The following CDH7 variants were observed in gnomAD, a reference collection of about 807,000 sequenced individuals.
CDH7 encodes the protein cadherin 7, also known as cadherin-7.
Under a neutral mutation model 71.8 loss-of-function variants are expected in CDH7, and 25 were observed. That is an observed-to-expected ratio of 0.35 (90% CI 0.25 to 0.49). The LOEUF (loss-of-function observed/expected upper bound fraction) is 0.49, where lower values mean the gene tolerates loss of function less well. Among genes scored for constraint, CDH7 ranks in the 20% least tolerant of loss-of-function variants. The probability of loss-of-function intolerance (pLI) is 0.99; values close to 1 mark genes in which losing one functional copy is unlikely to be tolerated. For missense variants in CDH7, 862 were observed against 974.6 expected (o/e 0.88, Z 1.54); for synonymous variants, 381 against 363.8 (o/e 1.05, Z -0.54).
chr18:65,868,072 A>C (rs1913819221), intron 11 of CDH7, among the ~76,000 whole-genome samples: 1 of 92,546 alleles, frequency 1.1e-5, no homozygotes, highest in Admixed American at 1.2e-4. Context: ...GGAGAAAAAA[A>C]GTGGCAGCAC....
rs1460123225 is a variant in CDH7 at position 65,887,055 on chromosome 18, A to G, written c.*6161A>G. 1 of 152,150 alleles carries G rather than the reference A, an allele frequency of 6.6e-6. No homozygotes were observed. The highest frequency in any genetic ancestry group is 2.4e-5 in the African/African-American group (1 of 41,446). 9.4% of individuals were successfully genotyped at this position (152,150 alleles called of 1,614,324 possible). ...CTAATGAGAATGTTGAAAGTACAGC[A>G]TACTTTCATTCAAAAACAAACTTGC... On this transcript the variant is annotated 3_prime_UTR_variant, in exon 12 of 12. Transcript: ENST00000397968.
intron 7 of CDH7, among the ~76,000 whole-genome samples, chr18:65,845,688 A>G (rs1912911368): frequency 6.6e-6 from 1 of 152,124 alleles, no homozygotes; most frequent in African/African-American, 2.4e-5. Context: ...GGAAAGAAAG[A>G]GAGACATGCT....
chr18:65,790,179 C>T (rs1024155611), intron 2 of CDH7, among the ~76,000 whole-genome samples: 3 of 144,360 alleles, frequency 2.1e-5, no homozygotes, highest in Non-Finnish European at 4.5e-5. Context: ...CAAGATCGCG[C>T]CACTGCACTC....
chr18:65,770,174 C>T (rs1916500829), intron 2 of CDH7, among the ~76,000 whole-genome samples: 1 of 152,048 alleles, frequency 6.6e-6, no homozygotes, highest in Non-Finnish European at 1.5e-5. Flanking sequence ...CTCAAAAATA[C>T]ATCAATTTAA....
intron 6 of CDH7, among the ~76,000 whole-genome samples, chr18:65,829,775 A>AGGGT (rs1912270403): frequency 1.4e-5 from 2 of 138,124 alleles, no homozygotes; most frequent in Admixed American, 7.3e-5. Context: ...CAAGGAAGGG[A>AGGGT]GTGTGTGTGT....
rs1026709272 is a variant in CDH7 at position 65,885,633 on chromosome 18, T to C, written c.*4739T>C. On this transcript the variant is annotated 3_prime_UTR_variant, in exon 12 of 12. Transcript: ENST00000397968. ...CGCCCGCCTCGGCCTCCCAAAGTGC[T>C]GGGATTACAGGCGTGAGCCACCGCG... is the stretch of plus-strand genomic sequence containing the variant. The C allele has an allele frequency of 1.3e-5, 2 of 152,278 alleles. No individual in the cohort carries two copies. The highest frequency in any genetic ancestry group is 2.9e-5 in the Non-Finnish European group (2 of 68,182). 9.4% of individuals were successfully genotyped at this position (152,278 alleles called of 1,614,324 possible).
chr18:65,772,880 T>C (rs1015473855), intron 2 of CDH7, among the ~76,000 whole-genome samples: 1 of 152,162 alleles, frequency 6.6e-6, no homozygotes, highest in Non-Finnish European at 1.5e-5. Flanking sequence ...CTGTTTACGA[T>C]CCAATTAAGA....
At chr18:65,839,308 T>A in intron 6 of CDH7, among the ~76,000 whole-genome samples, 1 of 152,206 alleles carries the variant, frequency 6.6e-6, no homozygotes, top group East Asian at 1.9e-4. Context: ...AAGTCAAGAT[T>A]TGGCATCTGA....
intron 6 of CDH7, among the ~76,000 whole-genome samples, chr18:65,833,508 A>G (rs4941361): frequency 0.98 from 149,245 of 152,244 alleles, 73,211 homozygotes; most frequent in East Asian, 1. Context: ...ATTTGACTGT[A>G]AAAAGGCATA....
At chr18:65,838,117 A>T (rs1328701168) in intron 6 of CDH7, among the ~76,000 whole-genome samples, 1 of 151,526 alleles carries the variant, frequency 6.6e-6, no homozygotes, top group East Asian at 2.0e-4. Flanking sequence ...TAGAGATGGG[A>T]TTTCACCATG....
At chr18:65,827,031 A>G (rs945443974) in intron 6 of CDH7, among the ~76,000 whole-genome samples, 27 of 151,726 alleles carry the variant, frequency 1.8e-4, no homozygotes, top group Admixed American at 1.5e-3. Context: ...ACTTCTGCCC[A>G]GAAATCTGAA....
intron 3 of CDH7, among the ~76,000 whole-genome samples, chr18:65,810,410 C>T (rs1911490971): frequency 6.6e-6 from 1 of 152,112 alleles, no homozygotes; most frequent in Non-Finnish European, 1.5e-5. Context: ...TTGTTCTAAA[C>T]ATCTCTCTAT....
At chr18:65,851,586 A>G (rs1913152722) in intron 7 of CDH7, among the ~76,000 whole-genome samples, 1 of 152,240 alleles carries the variant, frequency 6.6e-6, no homozygotes. Context: ...TAAGGAATTC[A>G]TTTTGTAACA....
rs751962742 is a variant in CDH7, at chr18:65,843,946, T to C, written c.1116T>C (p.Asp372=). ...TGAAGATAATTGTGGAAGATGTAGA[T>C]GAGCCCCCTGTGTTCTCTTCACCCT... ...TTVKIIVEDV[D]EPPVFSSPLY... is the part of the protein sequence containing the mutation. Residue 372 remains aspartate, a synonymous_variant, in exon 7 of 12, where the codon GAT becomes GAC. Transcript: ENST00000397968. 1.2e-6 allele frequency: 2 copies of C among 1,611,968 alleles called. No individual in the cohort carries two copies. The highest frequency in any genetic ancestry group is 1.7e-6 in the Non-Finnish European group (2 of 1,178,886).
rs1208694066 is a variant in CDH7 at position 65,886,198 on chromosome 18, TGTGTAAAC to T, written c.*5305_*5312del. On this transcript the variant is annotated 3_prime_UTR_variant, in exon 12 of 12. Coordinates refer to ENST00000397968, the MANE Select transcript of CDH7 (RefSeq NM_004361.5). ...GCTTGTGAATGATTAAGTGAAAGAC[TGTGTAAAC>T]AGTAAAACACTATAAAAAGATAAAG... 5 of 152,190 alleles carry T rather than the reference TGTGTAAAC, an allele frequency of 3.3e-5. No individual in the cohort carries two copies. Among genetic ancestry groups the T allele is most frequent in the Non-Finnish European group, 7.3e-5 (5 of 68,030 alleles). The allele number at this position is 152,190 out of a possible 1,614,324, so 9.4% of individuals were successfully genotyped here.
chr18:65,856,597 A>G (rs1913364973), intron 7 of CDH7, among the ~76,000 whole-genome samples: 1 of 152,126 alleles, frequency 6.6e-6, no homozygotes, highest in Non-Finnish European at 1.5e-5. Context: ...GGAGCAAATC[A>G]AGAATCAAGA....
chr18:65,756,494 G>A (rs895652398), intron 1 of CDH7, among the ~76,000 whole-genome samples: 6 of 152,156 alleles, frequency 3.9e-5, no homozygotes, highest in Admixed American at 6.6e-5. Context: ...TAAAAGAGAG[G>A]CATAACTTCT....
At chr18:65,770,219 T>C (rs1024145735) in intron 2 of CDH7, among the ~76,000 whole-genome samples, 14 of 152,174 alleles carry the variant, frequency 9.2e-5, no homozygotes, top group Non-Finnish European at 1.3e-4. Flanking sequence ...CTTATTATTT[T>C]TTTTCTGAAC....
At chr18:65,794,119 C>A (rs1910817492) in intron 2 of CDH7, among the ~76,000 whole-genome samples, 1 of 151,542 alleles carries the variant, frequency 6.6e-6, no homozygotes, top group South Asian at 2.1e-4. Context: ...TTTTACCTTG[C>A]AAAATCAGGA....
Sources: gnomAD v4.1 joint callset for allele counts (sites outside exome capture counted in the v4.1 genomes callset) on GRCh38, gnomAD v4.1.1 for gene constraint, MANE v1.5 for transcripts, NCBI Gene and HGNC (gene_info 2026-07-23, HGNC 2026-07-21) for gene names.